Variants in PPP4R3A observed in about 807,000 individuals in gnomAD.
PPP4R3A encodes the protein protein phosphatase 4 regulatory subunit 3A, also known as serine/threonine-protein phosphatase 4 regulatory subunit 3A.
PPP4R3A carries 15 observed loss-of-function variants against 91.7 expected under a neutral mutation model. The observed-to-expected ratio is 0.16, with a 90% confidence interval of 0.11 to 0.25. The LOEUF is 0.25. PPP4R3A is among the 10% of genes least tolerant of loss of function. PPP4R3A has a pLI of 1.00. For missense variants in PPP4R3A, 623 were observed against 998.4 expected (o/e 0.62, Z 5.07); for synonymous variants, 377 against 348.7 (o/e 1.08, Z -0.91).
At chr14:91,482,282 G>T (rs1021088650) in intron 3 of PPP4R3A, 89 bp from the exon 4 acceptor site, 165 of 1,363,896 alleles carry the variant, frequency 1.2e-4, no homozygotes, top group Admixed American at 5.2e-4. Context: ...TAGAAATGTT[G>T]TAAGAAACCT....
chr14:91,487,257 A>AC, intron 2 of PPP4R3A, among the ~76,000 whole-genome samples: 2 of 150,206 alleles, frequency 1.3e-5, no homozygotes, highest in South Asian at 4.2e-4. Flanking sequence ...CTCAAAAAAA[A>AC]AAAAAAAAAA....
intron 11 of PPP4R3A, 43 bp downstream of exon 11, chr14:91,465,207 A>C (rs1334443191): frequency 1.4e-6 from 2 of 1,411,100 alleles, no homozygotes; most frequent in African/African-American, 2.9e-5. Flanking sequence ...CAATTTTCTC[A>C]AACAATTAAA....
chr14:91,495,620 C>A (rs954507167), intron 1 of PPP4R3A, among the ~76,000 whole-genome samples: 2 of 151,700 alleles, frequency 1.3e-5, no homozygotes, highest in African/African-American at 4.8e-5. Flanking sequence ...TGGTTGCAAA[C>A]CTGTGATTAT....
chr14:91,503,992 C>T (rs1484148473), intron 1 of PPP4R3A, among the ~76,000 whole-genome samples: 2 of 151,832 alleles, frequency 1.3e-5, no homozygotes, highest in African/African-American at 4.8e-5. Flanking sequence ...CTTTAGGCGG[C>T]CAAGTGGGAA....
chr14:91,461,098 TTCTGTAAATGTTTTGACATACAAA>T (rs1888125763), intron 14 of PPP4R3A, among the ~76,000 whole-genome samples: 2 of 152,218 alleles, frequency 1.3e-5, no homozygotes, highest in Non-Finnish European at 1.5e-5. Flanking sequence ...CCTTGAACAT[TTCTGTAAATGTTTTGACATACAAA>T]TTTGAAGTTT....
In PPP4R3A at chr14:91,468,721, T is replaced by C. The variant is rs974978795; in HGVS notation, c.1660+2116A>G. The stretch of plus-strand genomic sequence containing the variant: ...AAGAAAAAAAAGACCAAGTATACTT[T>C]GTCCACATGCCACACTTTTTTTTTT... On this transcript the variant is annotated intron_variant, in intron 10 of 14. Transcript: ENST00000554943. Among the ~76,000 whole-genome samples, 4 of 126,312 alleles carry C rather than the reference T, an allele frequency of 3.2e-5. No homozygotes were observed. In the East Asian group the frequency reaches 1.1e-3, roughly 33 times the overall value. The allele number at this position is 126,312 out of a possible 152,430, so 82.9% of individuals were successfully genotyped here.
In PPP4R3A at chr14:91,510,126, C is replaced by T. The variant is rs1476246750; in HGVS notation, c.-479G>A. The T allele has an allele frequency of 5.6e-6, 1 of 179,368 alleles. No homozygotes were observed. Among genetic ancestry groups the T allele is most frequent in the Admixed American group, 6.5e-5 (1 of 15,308 alleles). 11.1% of individuals were successfully genotyped at this position (179,368 alleles called of 1,614,324 possible). On this transcript the variant is annotated 5_prime_UTR_variant, in exon 1 of 15. Transcript: ENST00000554943. ...TCCCTTCCGCTCCCCCTGTTTTAAA[C>T]GTCAGAAGCCGACAGGCGCCTGATC...
chr14:91,495,302 A>ATGAATGTGTGTGTGTGTGTG (rs1555437560), intron 1 of PPP4R3A, among the ~76,000 whole-genome samples: 12 of 140,960 alleles, frequency 8.5e-5, no homozygotes, highest in African/African-American at 2.9e-4. Context: ...CAGATACATA[A>ATGAATGTGTGTGTGTGTGTG]TGTGTGTGTG....
chr14:91,482,494 C>A (rs1362889064), intron 3 of PPP4R3A, among the ~76,000 whole-genome samples: 3 of 151,998 alleles, frequency 2.0e-5, no homozygotes, highest in African/African-American at 7.2e-5. Flanking sequence ...CTCTGCAGAC[C>A]CACAACATAG....
chr14:91,505,884 T>C (rs2140170775), intron 1 of PPP4R3A, among the ~76,000 whole-genome samples: 1 of 152,294 alleles, frequency 6.6e-6, no homozygotes, highest in East Asian at 1.9e-4. Flanking sequence ...CAATAATGGC[T>C]GACCCCAACT....
At position 91,457,663 on chromosome 14, in the gene PPP4R3A, A is replaced by G. The variant is rs1417644732; in HGVS notation, c.*1096T>C. Reference sequence around the variant, plus strand: ...ATTATTCAAAAGTCAAATGTTTTTAAATCATCCATCCTCAATTTTGATTTA... The same window carrying G: ...ATTATTCAAAAGTCAAATGTTTTTAGATCATCCATCCTCAATTTTGATTTA... On this transcript the variant is annotated 3_prime_UTR_variant, in exon 15 of 15. Coordinates refer to ENST00000554943, the MANE Select transcript of PPP4R3A (RefSeq NM_001366432.2). The G allele has an allele frequency of 6.6e-6, 1 of 152,622 alleles. No homozygotes were observed. Among genetic ancestry groups the G allele is most frequent in the African/African-American group, 2.4e-5 (1 of 41,462 alleles). The allele number at this position is 152,622 out of a possible 1,614,324, so 9.5% of individuals were successfully genotyped here. A position where few individuals can be genotyped will look rare whatever the true frequency, so the allele number is the denominator to read the frequency against.
At chr14:91,505,893 C>A (rs1308949664) in intron 1 of PPP4R3A, among the ~76,000 whole-genome samples, 1 of 152,128 alleles carries the variant, frequency 6.6e-6, no homozygotes, top group Non-Finnish European at 1.5e-5. Context: ...CTGACCCCAA[C>A]TGGCAGTCAA....
At position 91,469,177 on chromosome 14, in the gene PPP4R3A, CCCA is replaced by C. The variant is rs1271608022; in HGVS notation, c.1660+1657_1660+1659del. ...GACCTTAAGCAGGATATAAATAACTCCCACAAGCTTAGCGTTCCAATAATGGAA... is the reference window on the plus strand; with the variant it reads ...GACCTTAAGCAGGATATAAATAACTCCAAGCTTAGCGTTCCAATAATGGAA... On this transcript the variant is annotated intron_variant, in intron 10 of 14. Coordinates refer to ENST00000554943, the MANE Select transcript of PPP4R3A (RefSeq NM_001366432.2). Among the ~76,000 whole-genome samples, 7 of 149,458 alleles carry C rather than the reference CCCA, an allele frequency of 4.7e-5. No homozygotes were observed. In the East Asian group the frequency reaches 1.4e-3, roughly 29 times the overall value.
chr14:91,461,566 G>C lies in PPP4R3A; in HGVS notation c.2206C>G (p.Leu736Val). Reference sequence around the variant, plus strand: ...AAACTTGGGCTCTGCCGTCCAGAAAGGTTTGTTTTCAGAAGCACTTCCTTT... The same window carrying C: ...AAACTTGGGCTCTGCCGTCCAGAAACGTTTGTTTTCAGAAGCACTTCCTTT... ...EEKEVLLKTN[L>V]SGRQSPSFKL... The change falls in exon 14 of 15, where the codon CTT (leucine) becomes GTT (valine). Residue 736 changes from leucine (L) to valine (V), a missense_variant. Leu to Val is a conservative substitution (Grantham distance 32). Transcript: ENST00000554943. 1 of 1,613,906 alleles carries C rather than the reference G, an allele frequency of 6.2e-7. No individual in the cohort carries two copies. Among genetic ancestry groups the C allele is most frequent in the Non-Finnish European group, 8.5e-7 (1 of 1,179,924 alleles).
intron 7 of PPP4R3A, among the ~76,000 whole-genome samples, chr14:91,473,794 G>A (rs1005495265): frequency 6.6e-6 from 1 of 151,988 alleles, no homozygotes; most frequent in Admixed American, 6.6e-5. Context: ...TTTTTGAGAC[G>A]GAGTTTGCCT....
rs767051840 is a variant in PPP4R3A at position 91,461,576 on chromosome 14, C to T, written c.2196G>A (p.Leu732=). The T allele has an allele frequency of 4.3e-6, 7 of 1,613,996 alleles. No individual in the cohort carries two copies. The highest frequency in any genetic ancestry group is 1.3e-5 in the African/African-American group (1 of 74,920). ...LKESEEKEVL[L]KTNLSGRQSP... is the part of the protein sequence containing the mutation. ...TCTGCCGTCCAGAAAGGTTTGTTTT[C>T]AGAAGCACTTCCTTTTCCTCACTTT... The change falls in exon 14 of 15, where the codon CTG becomes CTA. Residue 732 remains leucine (L), a synonymous_variant. Transcript: ENST00000554943.
At chr14:91,498,917 CAA>C (rs530802333) in intron 1 of PPP4R3A, among the ~76,000 whole-genome samples, 22 of 91,290 alleles carry the variant, frequency 2.4e-4, no homozygotes, top group Non-Finnish European at 1.8e-4. Flanking sequence ...GACTCCAACT[CAA>C]AAAAAAAAAA....
chr14:91,483,727 T>G (rs1036372843), intron 3 of PPP4R3A, among the ~76,000 whole-genome samples: 2 of 152,054 alleles, frequency 1.3e-5, no homozygotes, highest in African/African-American at 2.4e-5. Flanking sequence ...ACAGAACCCA[T>G]AAAAAGAGTG....
intron 4 of PPP4R3A, among the ~76,000 whole-genome samples, chr14:91,480,152 G>GA (rs917208196): frequency 3.3e-4 from 50 of 150,934 alleles, no homozygotes; most frequent in African/African-American, 7.5e-4. Context: ...CATACTATAA[G>GA]AAAAAAAAAT....
Sources: allele counts gnomAD v4.1 joint callset (sites outside exome capture counted in the v4.1 genomes callset), GRCh38; gene constraint gnomAD v4.1.1; transcripts MANE v1.5; gene names NCBI Gene and HGNC (gene_info 2026-07-23, HGNC 2026-07-21).